The following GSTCD variants were observed in gnomAD, a reference collection of about 807,000 sequenced individuals.
GSTCD encodes the protein glutathione S-transferase C-terminal domain-containing protein.
GSTCD carries 44 observed loss-of-function variants against 68.3 expected under a neutral mutation model. The ratio of observed to expected loss-of-function variants is 0.64; its 90% CI spans 0.51 to 0.83. The LOEUF (loss-of-function observed/expected upper bound fraction) is 0.83, where lower values mean the gene tolerates loss of function less well. Among genes scored for constraint, GSTCD ranks in the 40% least tolerant of loss-of-function variants. The probability of loss-of-function intolerance (pLI) is 0.00; values close to 1 mark genes in which losing one functional copy is unlikely to be tolerated. For synonymous variants in GSTCD, 273 were observed against 255.2 expected, an observed-to-expected ratio of 1.07 and a Z score of -0.67; for missense variants, 739 against 735.9, an observed-to-expected ratio of 1.00 and a Z score of -0.05.
intron 7 of GSTCD, among the ~76,000 whole-genome samples, chr4:105,824,193 T>C (rs1723469084): frequency 6.6e-6 from 1 of 152,126 alleles, no homozygotes; most frequent in Non-Finnish European, 1.5e-5. Flanking sequence ...AACAGAATGA[T>C]GACGAGGGGA....
intron 5 of GSTCD, among the ~76,000 whole-genome samples, chr4:105,759,161 G>A (rs900320182): frequency 2.0e-5 from 3 of 152,096 alleles, no homozygotes; most frequent in Non-Finnish European, 4.4e-5. Context: ...TAGTTCTTAA[G>A]AGTATGACAG....
chr4:105,834,635 A>G (rs1724038844), intron 9 of GSTCD, 41 bp downstream of exon 9: 2 of 1,583,288 alleles, frequency 1.3e-6, no homozygotes, highest in Non-Finnish European at 1.7e-6. Flanking sequence ...CAACATGGGT[A>G]TAAGCCAGGA....
chr4:105,838,649 C>T (rs1039855825), intron 10 of GSTCD, among the ~76,000 whole-genome samples: 1 of 152,218 alleles, frequency 6.6e-6, no homozygotes, highest in African/African-American at 2.4e-5. Flanking sequence ...AAGAGACCCA[C>T]AGAGAATTGT....
intron 10 of GSTCD, among the ~76,000 whole-genome samples, chr4:105,839,600 A>G (rs955818526): frequency 1.3e-5 from 2 of 152,204 alleles, no homozygotes; most frequent in African/African-American, 4.8e-5. Context: ...GTGCCATTGC[A>G]TTCCCATTTC....
At chr4:105,728,680 T>TATAGATATAGATATATAG (rs368056265) in intron 4 of GSTCD, among the ~76,000 whole-genome samples, 10,939 of 146,768 alleles carry the variant, frequency 0.075, 573 homozygotes, top group African/African-American at 0.15. Context: ...TAGATATAGA[T>TATAGATATAGATATATAG]ATATAGATAT....
At chr4:105,797,286 A>C (rs1250528432) in intron 5 of GSTCD, among the ~76,000 whole-genome samples, 7 of 151,990 alleles carry the variant, frequency 4.6e-5, no homozygotes, top group Admixed American at 4.6e-4. Context: ...ATTGGAGTAA[A>C]TATCACACAA....
In GSTCD at chr4:105,846,639, A is replaced by G. The variant is rs1299565464; in HGVS notation, c.*1062A>G. 2.0e-5 allele frequency: 3 copies of G among 151,800 alleles called. No individual in the cohort carries two copies. The East Asian group carries it at 5.8e-4, about 29-fold the overall frequency. The allele number at this position is 151,800 out of a possible 1,614,324, so 9.4% of individuals were successfully genotyped here. On this transcript the variant is annotated 3_prime_UTR_variant, in exon 12 of 12. Transcript: ENST00000515279. ...TTTTGCCTATGGAAGTAGATCATCT[A>G]GAAGAAAAAGATTAAAGAATTAGTT...
rs568531421 is a variant in GSTCD, at chr4:105,733,035, T to C, written c.1240+3536T>C. 9.8e-5 allele frequency among the ~76,000 whole-genome samples: 15 copies of C among 152,370 alleles called. No homozygotes were observed. In the South Asian group the frequency reaches 3.1e-3, roughly 32 times the overall value. On this transcript the variant is annotated intron_variant, in intron 5 of 11. Coordinates refer to ENST00000515279, the MANE Select transcript of GSTCD (RefSeq NM_001370181.1). ...TTCTTAATGCTGAGTTCTAGTTTGA[T>C]TGCACTGTGGTCTGAGACAGTTTGT...
rs189101070 is a variant in GSTCD at position 105,804,850 on chromosome 4, G to A, written c.1241-18104G>A. On this transcript the variant is annotated intron_variant, in intron 5 of 11. Transcript: ENST00000515279. ...TTGCTCCCCTGCCATGTGTCCATGT[G>A]TTGTCATCGTTCAGCTCCCGTTTAT... is the stretch of plus-strand genomic sequence containing the variant. Among the ~76,000 whole-genome samples, 426 of 152,100 alleles carry A rather than the reference G, an allele frequency of 2.8e-3. 2 individuals are homozygous for A. The highest frequency in any genetic ancestry group is 9.6e-3 in the African/African-American group (400 of 41,488).
At chr4:105,732,708 TCA>T (rs1454016011) in intron 5 of GSTCD, among the ~76,000 whole-genome samples, 1 of 152,204 alleles carries the variant, frequency 6.6e-6, no homozygotes, top group Non-Finnish European at 1.5e-5. Context: ...TGCTCTGATC[TCA>T]GTTATTTCTT....
intron 5 of GSTCD, among the ~76,000 whole-genome samples, chr4:105,785,880 A>G (rs1735446054): frequency 6.6e-6 from 1 of 152,182 alleles, no homozygotes; most frequent in Non-Finnish European, 1.5e-5. Flanking sequence ...AAACTGTTAC[A>G]ATTACTAAAC....
At chr4:105,719,631 A>G (rs1239515462) in intron 3 of GSTCD, 104 bp downstream of exon 3, 1 of 782,648 alleles carries the variant, frequency 1.3e-6, no homozygotes, top group Non-Finnish European at 2.1e-6. Flanking sequence ...TGCTGCTAGG[A>G]AAGTTATTAA....
intron 5 of GSTCD, chr4:105,760,996 A>ATTTTTTTTTTTTTTTTTTTT (rs35581423): frequency 2.9e-5 from 5 of 174,986 alleles, no homozygotes; most frequent in African/African-American, 5.2e-5. Flanking sequence ...TCCTTTTTTA[A>ATTTTTTTTTTTTTTTTTTTT]TTTTTTTTTT....
chr4:105,829,517 AG>A (rs1460696700), intron 8 of GSTCD, among the ~76,000 whole-genome samples: 1 of 152,184 alleles, frequency 6.6e-6, no homozygotes, highest in Non-Finnish European at 1.5e-5. Context: ...GCGAATGAGG[AG>A]CAAAGTCACA....
intron 5 of GSTCD, among the ~76,000 whole-genome samples, chr4:105,817,222 A>G (rs1232077992): frequency 1.3e-5 from 2 of 151,918 alleles, no homozygotes; most frequent in Non-Finnish European, 2.9e-5. Flanking sequence ...CAGTTTAGAG[A>G]ACAGTTCTAT....
chr4:105,792,840 C>T (rs1288403834), intron 5 of GSTCD, among the ~76,000 whole-genome samples: 1 of 151,938 alleles, frequency 6.6e-6, no homozygotes, highest in African/African-American at 2.4e-5. Context: ...CTTAAATTCC[C>T]GCTACATCAT....
At chr4:105,805,468 C>T (rs1722451236) in intron 5 of GSTCD, among the ~76,000 whole-genome samples, 1 of 151,950 alleles carries the variant, frequency 6.6e-6, no homozygotes, top group Non-Finnish European at 1.5e-5. Context: ...TTTTAATACA[C>T]AATTATTTTT....
At chr4:105,784,388 A>G (rs1735389387) in intron 5 of GSTCD, among the ~76,000 whole-genome samples, 1 of 152,198 alleles carries the variant, frequency 6.6e-6, no homozygotes, top group Non-Finnish European at 1.5e-5. Context: ...TAGCTTTATA[A>G]CAATTCACCC....
intron 10 of GSTCD, among the ~76,000 whole-genome samples, chr4:105,838,139 TGGCA>T (rs1333685787): frequency 1.3e-5 from 2 of 152,222 alleles, no homozygotes; most frequent in Non-Finnish European, 2.9e-5. Flanking sequence ...CAGTGGATGC[TGGCA>T]GAAGATATGA....
Sources: allele counts gnomAD v4.1 joint callset (sites outside exome capture counted in the v4.1 genomes callset), GRCh38; gene constraint gnomAD v4.1.1; transcripts MANE v1.5; gene names NCBI Gene and HGNC (gene_info 2026-07-23, HGNC 2026-07-21).